GABRB1: variants seen among roughly 807,000 people sequenced by gnomAD.
GABRB1 encodes the protein gamma-aminobutyric acid receptor subunit beta-1.
Under a neutral mutation model 51.6 loss-of-function variants are expected in GABRB1, and 17 were observed. That is an observed-to-expected ratio of 0.33 (90% CI 0.23 to 0.49). GABRB1 has a LOEUF of 0.49. Ranked by LOEUF, GABRB1 falls within the 20% of genes least tolerant of loss-of-function variation. GABRB1 has a pLI of 0.99. For missense variants in GABRB1, 410 were observed against 600.6 expected, an observed-to-expected ratio of 0.68 and a Z score of 3.32; for synonymous variants, 247 against 218.9, an observed-to-expected ratio of 1.13 and a Z score of -1.14.
In GABRB1 at chr4:47,031,680, T is replaced by A; in HGVS notation, c.29T>A (p.Leu10Gln). Residue 10 changes from leucine to glutamine, a missense_variant, in exon 1 of 9, where the codon CTG (leucine) becomes CAG (glutamine). This residue lies in a region of GABRB1 where 56 missense variants were observed against 54.8 expected (regional missense o/e 1.02). Transcript: ENST00000295454. Reference sequence around the variant, plus strand: ...TGGACAGTACAAAATCGAGAGAGTCTGGGGCTTCTCTCTTTCCCTGTGATG... The same window carrying A: ...TGGACAGTACAAAATCGAGAGAGTCAGGGGCTTCTCTCTTTCCCTGTGATG... The part of the protein sequence containing the change: MWTVQNRES[L>Q]GLLSFPVMIT... 1 of 1,613,802 alleles carries A rather than the reference T, an allele frequency of 6.2e-7. No individual in the cohort carries two copies. The highest frequency in any genetic ancestry group is 8.5e-7 in the Non-Finnish European group (1 of 1,179,668).
At chr4:47,007,722 C>G (rs185619099) in intron 1 of GABRB1, among the ~76,000 whole-genome samples, 277 of 151,886 alleles carry the variant, frequency 1.8e-3, no homozygotes, top group Admixed American at 3.5e-3. Context: ...AATAGATAAC[C>G]AGAGAATCTT....
intron 5 of GABRB1, among the ~76,000 whole-genome samples, chr4:47,353,684 A>G (rs1726446363): frequency 6.6e-6 from 1 of 152,214 alleles, no homozygotes; most frequent in African/African-American, 2.4e-5. Flanking sequence ...CATCAGGCAT[A>G]CACATACATG....
intron 5 of GABRB1, among the ~76,000 whole-genome samples, chr4:47,366,111 A>G (rs558745663): frequency 6.6e-6 from 1 of 152,282 alleles, no homozygotes; most frequent in African/African-American, 2.4e-5. Context: ...CATACTACCC[A>G]TAGACTCAAC....
chr4:47,253,636 C>T lies in GABRB1; in HGVS notation c.462-66491C>T, dbSNP rs953562556. Among the ~76,000 whole-genome samples, 14 of 152,220 alleles carry T rather than the reference C, an allele frequency of 9.2e-5. 1 individual carries two copies. Among genetic ancestry groups the T allele is most frequent in the Admixed American group, 7.2e-4 (11 of 15,286 alleles). ...CACCCACTTTCTTTTATTACAGTAA[C>T]AATTTCATTTGATTGGCTCCATTAC... On this transcript the variant is annotated intron_variant, in intron 4 of 8. Transcript: ENST00000295454.
At chr4:47,230,182 A>G (rs1266991466) in intron 4 of GABRB1, among the ~76,000 whole-genome samples, 4 of 152,164 alleles carry the variant, frequency 2.6e-5, no homozygotes, top group African/African-American at 9.7e-5. Flanking sequence ...GAGGCTAGGT[A>G]AAAGGAAGAG....
chr4:47,346,349 A>G (rs1726088482), intron 5 of GABRB1, among the ~76,000 whole-genome samples: 1 of 152,240 alleles, frequency 6.6e-6, no homozygotes, highest in African/African-American at 2.4e-5. Flanking sequence ...ATTTGTCAGC[A>G]TGGAAGGTGA....
chr4:47,191,571 C>T (rs1719441181), intron 4 of GABRB1, among the ~76,000 whole-genome samples: 1 of 152,096 alleles, frequency 6.6e-6, no homozygotes, highest in Non-Finnish European at 1.5e-5. Flanking sequence ...AAGAAAATGT[C>T]TGTGGGTTTG....
intron 3 of GABRB1, among the ~76,000 whole-genome samples, chr4:47,133,606 A>G (rs1207721637): frequency 6.6e-6 from 1 of 152,138 alleles, no homozygotes; most frequent in African/African-American, 2.4e-5. Flanking sequence ...GTCTTTCATG[A>G]CCTTAACATT....
chr4:47,398,102 G>A (rs1294288841), intron 5 of GABRB1, among the ~76,000 whole-genome samples: 1 of 151,904 alleles, frequency 6.6e-6, no homozygotes, highest in East Asian at 1.9e-4. Context: ...TATGTGTTTT[G>A]CATATTTCTG....
chr4:47,235,436 C>T (rs1721292377), intron 4 of GABRB1, among the ~76,000 whole-genome samples: 2 of 152,010 alleles, frequency 1.3e-5, no homozygotes, highest in African/African-American at 2.4e-5. Flanking sequence ...GTAATTCCAG[C>T]TACTCAGGAG....
intron 3 of GABRB1, among the ~76,000 whole-genome samples, chr4:47,117,583 G>T (rs779037098): frequency 6.6e-6 from 1 of 152,054 alleles, no homozygotes; most frequent in Non-Finnish European, 1.5e-5. Flanking sequence ...AATATATTTG[G>T]TTCTACCACT....
intron 3 of GABRB1, among the ~76,000 whole-genome samples, chr4:47,097,325 G>A (rs1714492968): frequency 6.6e-6 from 1 of 152,124 alleles, no homozygotes; most frequent in South Asian, 2.1e-4. Context: ...AGGACTCTGT[G>A]CTTGGTGTCT....
At chr4:47,019,917 T>TGTATATGTATATGTATATGTATAC (rs1473112191) in intron 1 of GABRB1, among the ~76,000 whole-genome samples, 8 of 101,252 alleles carry the variant, frequency 7.9e-5, no homozygotes, top group African/African-American at 3.0e-4. Context: ...TATATGTATA[T>TGTATATGTATATGTATATGTATAC]GTATACGTAT....
intron 4 of GABRB1, among the ~76,000 whole-genome samples, chr4:47,197,978 C>T (rs1287049113): frequency 6.6e-6 from 1 of 152,178 alleles, no homozygotes; most frequent in Non-Finnish European, 1.5e-5. Context: ...TCTCAAGTCT[C>T]CCTTTTTTCC....
intron 4 of GABRB1, among the ~76,000 whole-genome samples, chr4:47,211,047 G>A (rs1362516966): frequency 6.6e-6 from 1 of 152,126 alleles, no homozygotes; most frequent in Admixed American, 6.6e-5. Flanking sequence ...CACATAAGAG[G>A]CCCTTATCTT....
At chr4:47,199,593 G>A (rs1205937465) in intron 4 of GABRB1, among the ~76,000 whole-genome samples, 1 of 152,150 alleles carries the variant, frequency 6.6e-6, no homozygotes, top group Non-Finnish European at 1.5e-5. Context: ...AATGAAAGAA[G>A]GGAAGGGTGA....
intron 3 of GABRB1, among the ~76,000 whole-genome samples, chr4:47,124,279 G>C (rs1716009703): frequency 6.6e-6 from 1 of 151,986 alleles, no homozygotes; most frequent in African/African-American, 2.4e-5. Context: ...TGGGTTTATG[G>C]ATAACTGGCA....
At chr4:47,272,968 CCGTTACTGTAATGATG>C (rs1282998262) in intron 4 of GABRB1, among the ~76,000 whole-genome samples, 44 of 43,854 alleles carry the variant, frequency 1.0e-3, no homozygotes, top group African/African-American at 4.9e-3. Flanking sequence ...ATGATGTGAA[CCGTTACTGTAATGATG>C]AGTTCACTGT....
At chr4:47,347,430 T>A (rs1418906760) in intron 5 of GABRB1, among the ~76,000 whole-genome samples, 2 of 152,316 alleles carry the variant, frequency 1.3e-5, no homozygotes, top group East Asian at 3.9e-4. Flanking sequence ...TTGAACAGCA[T>A]GCTTGCAGCA....
Sources: gnomAD v4.1 joint callset for allele counts (sites outside exome capture counted in the v4.1 genomes callset) on GRCh38, gnomAD v4.1.1 for gene constraint, gnomAD v4.1.1 regional missense constraint, MANE v1.5 for transcripts, NCBI Gene and HGNC (gene_info 2026-07-23, HGNC 2026-07-21) for gene names.